The following ADGRL2 variants were observed in gnomAD, a reference collection of about 807,000 sequenced individuals.
The protein encoded by ADGRL2 is calcium-independent alpha-latrotoxin receptor 2.
A neutral mutation model predicts 157.4 loss-of-function variants in ADGRL2; 44 were observed. The observed-to-expected ratio is 0.28, with a 90% CI of 0.22 to 0.36. The LOEUF (loss-of-function observed/expected upper bound fraction) is 0.36. Ranked by LOEUF, ADGRL2 falls within the 10% of genes least tolerant of loss-of-function variation. The probability of loss-of-function intolerance (pLI) is 1.00; values close to 1 mark genes in which losing one functional copy is unlikely to be tolerated. For missense variants in ADGRL2, 1,510 were observed against 1,768.9 expected (o/e 0.85, Z 2.63); for synonymous variants, 585 against 624.7 (o/e 0.94, Z 0.95).
intron 1 of ADGRL2, among the ~76,000 whole-genome samples, chr1:81,715,781 C>T (rs1463042107): frequency 2.0e-5 from 3 of 152,084 alleles, no homozygotes; most frequent in Non-Finnish European, 4.4e-5. Context: ...AGACCAAGGT[C>T]ACAGAACCTA....
At chr1:81,587,086 C>T (rs372520506) in intron 3 of ADGRL2, among the ~76,000 whole-genome samples, 7 of 152,042 alleles carry the variant, frequency 4.6e-5, no homozygotes, top group South Asian at 2.1e-4. Flanking sequence ...TGTCAGACTG[C>T]GAAGCTATCT....
chr1:81,343,093 T>TC (rs11409225), intron 1 of ADGRL2, among the ~76,000 whole-genome samples: 14 of 85,126 alleles, frequency 1.6e-4, no homozygotes, highest in Admixed American at 4.1e-4. Context: ...TTTTCTTTTC[T>TC]TTTTTTTTTT....
chr1:81,981,904 A>G lies in ADGRL2; in HGVS notation c.3210A>G (p.Ala1070=). The G allele has an allele frequency of 2.5e-6, 4 of 1,612,214 alleles. No homozygotes were observed. Among genetic ancestry groups the G allele is most frequent in the Non-Finnish European group, 3.4e-6 (4 of 1,178,724 alleles). The change falls in exon 19 of 24, where the codon GCA becomes GCG. Residue 1070 remains alanine, a synonymous_variant. Coordinates refer to ENST00000686636, the MANE Select transcript of ADGRL2 (RefSeq NM_001366006.2). The part of the protein sequence containing the change: ...LFINEETIVM[A]YLFTIFNAFQ... ...TTAATGAGGAGACTATTGTGATGGC[A>G]TATCTCTTCACTATATTTAATGCTT...
rs1184114002 is a variant in ADGRL2, at chr1:81,767,609, C to A, written c.-101+5757C>A. Reference sequence around the variant, plus strand: ...AATTGCGGCTGGACATGGTGGCTCACACTTGTAATCTTAGCACTTTGGGAG... The same window carrying A: ...AATTGCGGCTGGACATGGTGGCTCAAACTTGTAATCTTAGCACTTTGGGAG... On this transcript the variant is annotated intron_variant, in intron 2 of 20. Coordinates refer to the ADGRL2 transcript ENST00000359929. Among the ~76,000 whole-genome samples the A allele has an allele frequency of 3.9e-5, 6 of 152,128 alleles. No homozygotes were observed. The East Asian group carries it at 1.2e-3, about 29-fold the overall frequency.
upstream of ADGRL2, among the ~76,000 whole-genome samples, chr1:81,699,002 C>A (rs575998162): frequency 6.6e-6 from 1 of 152,058 alleles, no homozygotes; most frequent in Non-Finnish European, 1.5e-5. Flanking sequence ...TCCTATTATC[C>A]TTTTCTCTTT....
intron 3 of ADGRL2, among the ~76,000 whole-genome samples, chr1:81,908,497 G>A (rs1473865186): frequency 3.3e-5 from 5 of 152,178 alleles, no homozygotes; most frequent in Non-Finnish European, 7.3e-5. Flanking sequence ...TGCACCTACA[G>A]AAGGACATAT....
At chr1:81,939,724 A>G (rs1433321958) in intron 4 of ADGRL2, among the ~76,000 whole-genome samples, 1 of 151,428 alleles carries the variant, frequency 6.6e-6, no homozygotes, top group Non-Finnish European at 1.5e-5. Context: ...AAGTTGTAGT[A>G]TATATTTGGC....
At chr1:81,402,518 C>T (rs561086456) in intron 1 of ADGRL2, among the ~76,000 whole-genome samples, 18 of 152,172 alleles carry the variant, frequency 1.2e-4, no homozygotes, top group African/African-American at 3.9e-4. Flanking sequence ...AGGTTCTAAC[C>T]ATAGCCAGCT....
chr1:81,542,054 C>CTATA (rs2079898863), intron 2 of ADGRL2, among the ~76,000 whole-genome samples: 2 of 152,292 alleles, frequency 1.3e-5, no homozygotes, highest in East Asian at 3.9e-4. Context: ...ATGAAAAGGG[C>CTATA]TATAGTTTTG....
chr1:81,754,146 T>C (rs1285767225), intron 1 of ADGRL2, among the ~76,000 whole-genome samples: 1 of 152,186 alleles, frequency 6.6e-6, no homozygotes, highest in East Asian at 1.9e-4. Context: ...TTGGACTTAA[T>C]AGACTCCTTC....
intron 2 of ADGRL2, among the ~76,000 whole-genome samples, chr1:81,771,495 T>C (rs531443038): frequency 5.9e-5 from 9 of 152,206 alleles, no homozygotes; most frequent in Non-Finnish European, 8.8e-5. Flanking sequence ...ATGCATCGCA[T>C]AGAGGAGTGC....
chr1:81,333,176 C>T (rs1661385483), intron 1 of ADGRL2, among the ~76,000 whole-genome samples: 1 of 152,138 alleles, frequency 6.6e-6, no homozygotes, highest in Non-Finnish European at 1.5e-5. Flanking sequence ...AGTGTAACCA[C>T]TACACAGAGG....
chr1:81,800,571 G>A (rs1045766439), upstream of ADGRL2: 10 of 152,120 alleles, frequency 6.6e-5, no homozygotes, highest in African/African-American at 2.2e-4. Context: ...GCAAGCTCCT[G>A]GGCCTAGAGG....
rs1360924766 is a variant in ADGRL2, at chr1:81,725,184, G to A, written c.-143+25376G>A. On this transcript the variant is annotated intron_variant, in intron 1 of 20. Coordinates refer to the ADGRL2 transcript ENST00000359929. ...TGTGCCACTGCACTCTAGTCTGGGC[G>A]AAAGGTGAGACCCCGTCTCAAAAAA... Among the ~76,000 whole-genome samples the A allele has an allele frequency of 1.8e-4, 23 of 127,984 alleles. 1 individual carries two copies. In the South Asian group the frequency reaches 3.6e-3, roughly 20 times the overall value. The allele number at this position is 127,984 out of a possible 152,430, so 84.0% of individuals were successfully genotyped here. A position where few individuals can be genotyped will look rare whatever the true frequency, so the allele number is the denominator to read the frequency against.
chr1:81,987,300 C>A (rs375445894), intron 22 of ADGRL2: 108 of 1,596,764 alleles, frequency 6.8e-5, no homozygotes, highest in Non-Finnish European at 9.1e-5. Context: ...ACTGACATCA[C>A]ATGGTCTGAG....
intron 2 of ADGRL2, among the ~76,000 whole-genome samples, chr1:81,575,267 A>T (rs914688386): frequency 6.6e-6 from 1 of 152,190 alleles, no homozygotes; most frequent in Admixed American, 6.6e-5. Flanking sequence ...GATGAAGTAC[A>T]GATGAATGTA....
chr1:81,690,735 T>C (rs1183860964), intron 3 of ADGRL2, among the ~76,000 whole-genome samples: 1 of 152,192 alleles, frequency 6.6e-6, no homozygotes, highest in African/African-American at 2.4e-5. Context: ...TACTCTCTTT[T>C]CTAGGCAAAC....
rs182490412 is a variant in ADGRL2, at chr1:81,566,721, G to A, written c.-247-14155G>A. Among the ~76,000 whole-genome samples the A allele has an allele frequency of 3.3e-5, 5 of 152,204 alleles. No individual in the cohort carries two copies. The South Asian group carries it at 1.0e-3, about 32-fold the overall frequency. On this transcript the variant is annotated intron_variant, in intron 2 of 24. Coordinates refer to the ADGRL2 transcript ENST00000370721. ...GCCTAAGAAAGAGAGAACAGGAAAA[G>A]GGTGACTTCTTTGAGCCTAGCTGGT...
intron 1 of ADGRL2, among the ~76,000 whole-genome samples, chr1:81,761,143 G>C (rs2149306386): frequency 6.6e-6 from 1 of 151,890 alleles, no homozygotes; most frequent in South Asian, 2.1e-4. Flanking sequence ...TGAAATTTTA[G>C]CTAGTTTTCA....
Sources: gnomAD v4.1 joint callset for allele counts (sites outside exome capture counted in the v4.1 genomes callset) on GRCh38, gnomAD v4.1.1 for gene constraint, MANE v1.5 for transcripts, NCBI Gene and HGNC (gene_info 2026-07-23, HGNC 2026-07-21) for gene names.